Variants in SMURF1 observed in about 807,000 individuals in gnomAD.
SMURF1 encodes SMAD specific E3 ubiquitin protein ligase 1.
SMURF1 carries 44 observed loss-of-function variants against 98.0 expected under a neutral mutation model. The observed-to-expected ratio is 0.45, with a 90% CI of 0.35 to 0.58. SMURF1 has a LOEUF of 0.58. SMURF1 is among the 20% of genes least tolerant of loss of function. The probability of loss-of-function intolerance (pLI) is 0.00; values close to 1 mark genes in which losing one functional copy is unlikely to be tolerated. For missense variants in SMURF1, 687 were observed against 938.4 expected (o/e 0.73, Z 3.50); for synonymous variants, 396 against 374.9 (o/e 1.06, Z -0.65).
rs180880421 is a variant in SMURF1, at chr7:99,036,976, G to A, written c.1809+91C>T. ...GCAGCTCCTAGGCTTACTAGAAAGC[G>A]GCACACACTGCCCCCTGCAGCAAGG... On this transcript the variant is annotated intron_variant, in intron 15 of 17. Transcript: ENST00000361368. The A allele has an allele frequency of 1.6e-4, 257 of 1,585,392 alleles. No individual in the cohort carries two copies. The African/African-American group carries it at 1.8e-3, about 11-fold the overall frequency.
At chr7:99,091,314 C>T (rs1796805779) in intron 1 of SMURF1, among the ~76,000 whole-genome samples, 1 of 152,204 alleles carries the variant, frequency 6.6e-6, no homozygotes, top group Admixed American at 6.5e-5. Context: ...ACCCATGAAA[C>T]TTGAACCAGA....
chr7:99,067,519 T>C (rs1796222066), intron 1 of SMURF1, among the ~76,000 whole-genome samples: 1 of 152,156 alleles, frequency 6.6e-6, no homozygotes, highest in African/African-American at 2.4e-5. Context: ...GTTTTCCTAA[T>C]GTTGGGAATA....
At chr7:99,084,157 C>T (rs1796628761) in intron 1 of SMURF1, among the ~76,000 whole-genome samples, 1 of 152,250 alleles carries the variant, frequency 6.6e-6, no homozygotes. Context: ...ATCCTATCTC[C>T]TCTCCAATGT....
chr7:99,043,578 A>T (rs1795463356), intron 11 of SMURF1, among the ~76,000 whole-genome samples: 1 of 152,246 alleles, frequency 6.6e-6, no homozygotes, highest in Non-Finnish European at 1.5e-5. Flanking sequence ...CAAACCAGGG[A>T]GTCCGACAGC....
rs1476364873 is a variant in SMURF1 at position 99,144,090 on chromosome 7, C to G, written c.-310G>C. ...CGGACGCCCGCCGCCCTCGCCGCTT[C>G]CGCCGCTGCCGCCGCCTCTCCGAGC... is the stretch of plus-strand genomic sequence containing the variant. On this transcript the variant is annotated 5_prime_UTR_variant, in exon 1 of 18. Coordinates refer to ENST00000361368, the MANE Select transcript of SMURF1 (RefSeq NM_181349.3). 1 of 150,512 alleles carries G rather than the reference C, an allele frequency of 6.6e-6. No homozygotes were observed. Among genetic ancestry groups the G allele is most frequent in the Non-Finnish European group, 1.5e-5 (1 of 67,964 alleles). 9.3% of individuals were successfully genotyped at this position (150,512 alleles called of 1,614,324 possible).
At chr7:99,074,742 A>G (rs1489347791) in intron 1 of SMURF1, among the ~76,000 whole-genome samples, 1 of 152,188 alleles carries the variant, frequency 6.6e-6, no homozygotes, top group Non-Finnish European at 1.5e-5. Context: ...TAAAAAATTG[A>G]TATTTGGCTG....
At chr7:99,040,303 G>A (rs550365253) in intron 13 of SMURF1, 75 bp downstream of exon 13, 99 of 1,319,126 alleles carry the variant, frequency 7.5e-5, no homozygotes, top group African/African-American at 3.0e-4. Context: ...ACGCGCGCGC[G>A]CGCGCACGCG....
intron 3 of SMURF1, among the ~76,000 whole-genome samples, chr7:99,059,397 C>CAAAAAAAAAAAAAA (rs1194308241): frequency 7.0e-5 from 4 of 57,092 alleles, no homozygotes; most frequent in African/African-American, 2.9e-4. Flanking sequence ...GACTCCATCT[C>CAAAAAAAAAAAAAA]AAAAAAAAAT....
intron 1 of SMURF1, among the ~76,000 whole-genome samples, chr7:99,142,132 C>T (rs1798133403): frequency 1.3e-5 from 2 of 152,234 alleles, no homozygotes; most frequent in Admixed American, 1.3e-4. Flanking sequence ...GTTGGCATCA[C>T]ATCCGCGCCA....
chr7:99,087,517 C>CAATA (rs1417886539), intron 1 of SMURF1, among the ~76,000 whole-genome samples: 2 of 151,718 alleles, frequency 1.3e-5, no homozygotes, highest in African/African-American at 4.8e-5. Flanking sequence ...CTCTGCGGAA[C>CAATA]AATACATTTT....
intron 1 of SMURF1, among the ~76,000 whole-genome samples, chr7:99,134,711 C>A (rs188800418): frequency 2.2e-4 from 33 of 152,188 alleles, no homozygotes; most frequent in African/African-American, 6.5e-4. Flanking sequence ...TGCAAATGAG[C>A]ATTTTACTCC....
intron 1 of SMURF1, among the ~76,000 whole-genome samples, chr7:99,128,559 C>CA (rs1797794714): frequency 6.6e-6 from 1 of 152,198 alleles, no homozygotes; most frequent in Non-Finnish European, 1.5e-5. Flanking sequence ...TTTTACTCTA[C>CA]AAGTTGGTCC....
At chr7:99,036,671 G>A (rs1371381064) in intron 15 of SMURF1, among the ~76,000 whole-genome samples, 1 of 152,064 alleles carries the variant, frequency 6.6e-6, no homozygotes, top group Non-Finnish European at 1.5e-5. Context: ...TATGACTAGA[G>A]AAGACAGTAG....
chr7:99,037,208 T>C, intron 14 of SMURF1, 21 bp from the exon 15 acceptor site: 2 of 1,613,642 alleles, frequency 1.2e-6, no homozygotes, highest in Non-Finnish European at 8.5e-7. Context: ...AACTCGCAAG[T>C]TGGATGCAAC....
At chr7:99,074,683 TAGAATAA>T (rs1055507902) in intron 1 of SMURF1, among the ~76,000 whole-genome samples, 2 of 151,828 alleles carry the variant, frequency 1.3e-5, no homozygotes, top group Admixed American at 6.6e-5. Flanking sequence ...GACCTGCATC[TAGAATAA>T]AGAACTCTAC....
At chr7:99,045,210 A>G (rs900510557) in intron 11 of SMURF1, among the ~76,000 whole-genome samples, 5 of 152,198 alleles carry the variant, frequency 3.3e-5, no homozygotes, top group African/African-American at 1.2e-4. Context: ...GTTTTTCATC[A>G]TTCTATTCTG....
At chr7:99,048,666 A>G (rs1795659672) in intron 9 of SMURF1, 1 of 152,178 alleles carries the variant, frequency 6.6e-6, no homozygotes, top group Admixed American at 6.5e-5. Context: ...CCTCATTTTT[A>G]CCGCCAAGAG....
intron 1 of SMURF1, among the ~76,000 whole-genome samples, chr7:99,110,503 A>G (rs1351269663): frequency 6.6e-6 from 1 of 152,222 alleles, no homozygotes; most frequent in African/African-American, 2.4e-5. Context: ...AGGACCCTCA[A>G]CCTCACTCAA....
At chr7:99,061,542 A>C (rs1241725867) in intron 2 of SMURF1, among the ~76,000 whole-genome samples, 1 of 152,206 alleles carries the variant, frequency 6.6e-6, no homozygotes, top group Non-Finnish European at 1.5e-5. Context: ...ATAGGTAGAG[A>C]GGCAGAAAAA....
Sources: gnomAD v4.1 joint callset for allele counts (sites outside exome capture counted in the v4.1 genomes callset) on GRCh38, gnomAD v4.1.1 for gene constraint, MANE v1.5 for transcripts, NCBI Gene and HGNC (gene_info 2026-07-23, HGNC 2026-07-21) for gene names.